SYNPO2: variants seen among roughly 807,000 people sequenced by gnomAD.
SYNPO2 encodes synaptopodin-2.
Under a neutral mutation model 85.0 loss-of-function variants are expected in SYNPO2, and 56 were observed. The observed-to-expected ratio is 0.66, with a 90% CI of 0.53 to 0.82. The LOEUF (loss-of-function observed/expected upper bound fraction) is 0.82. SYNPO2 is among the 40% of genes least tolerant of loss of function. The probability of loss-of-function intolerance (pLI) is 0.00; values close to 1 mark genes in which losing one functional copy is unlikely to be tolerated. For missense variants in SYNPO2, 1,575 were observed against 1,534.2 expected (o/e 1.03, Z -0.44); for synonymous variants, 602 against 591.1 (o/e 1.02, Z -0.27).
chr4:118,879,632 T>A (rs1463611410), intron 1 of SYNPO2, among the ~76,000 whole-genome samples: 1 of 152,146 alleles, frequency 6.6e-6, no homozygotes, highest in Non-Finnish European at 1.5e-5. Context: ...TTTTGTGGTT[T>A]AAATCGCCCA....
intron 1 of SYNPO2, among the ~76,000 whole-genome samples, chr4:118,964,972 G>A (rs1164670718): frequency 2.0e-5 from 3 of 152,036 alleles, no homozygotes; most frequent in Non-Finnish European, 4.4e-5. Flanking sequence ...ATGTCCTTTC[G>A]AAGCCCAAAG....
intron 4 of SYNPO2, chr4:119,032,239 A>G (rs1738305927): frequency 1.4e-6 from 2 of 1,429,682 alleles, no homozygotes; most frequent in African/African-American, 1.4e-5. Flanking sequence ...GATTGACCTA[A>G]AATATATTTA....
intron 4 of SYNPO2, among the ~76,000 whole-genome samples, chr4:119,052,657 G>A (rs1040937027): frequency 3.3e-5 from 5 of 152,184 alleles, no homozygotes; most frequent in Non-Finnish European, 1.5e-5. Context: ...CTGAAGGAAG[G>A]CAGCCTTTCT....
chr4:119,020,639 G>A (rs542668806), intron 1 of SYNPO2, among the ~76,000 whole-genome samples: 30 of 152,040 alleles, frequency 2.0e-4, no homozygotes, highest in Non-Finnish European at 4.1e-4. Flanking sequence ...AACCTCTTTG[G>A]TCCTCCAAAG....
At chr4:118,889,838 G>A (rs1198464399) in intron 1 of SYNPO2, among the ~76,000 whole-genome samples, 1 of 152,148 alleles carries the variant, frequency 6.6e-6, no homozygotes, top group Non-Finnish European at 1.5e-5. Context: ...TATTTAAAAT[G>A]CTTTAAGTTT....
At chr4:118,921,501 T>C (rs1033170770) in intron 1 of SYNPO2, among the ~76,000 whole-genome samples, 1 of 152,070 alleles carries the variant, frequency 6.6e-6, no homozygotes, top group Admixed American at 6.6e-5. Flanking sequence ...TAATTTTATC[T>C]ACTTGGGAGG....
At chr4:118,914,285 A>G (rs955796316) in intron 1 of SYNPO2, among the ~76,000 whole-genome samples, 16 of 152,210 alleles carry the variant, frequency 1.1e-4, no homozygotes, top group African/African-American at 3.9e-4. Context: ...TAAGAGTATC[A>G]GTCTGGGTTC....
intron 1 of SYNPO2, among the ~76,000 whole-genome samples, chr4:118,957,655 A>G (rs1734926882): frequency 6.6e-6 from 1 of 152,316 alleles, no homozygotes; most frequent in South Asian, 2.1e-4. Context: ...TGGGGCCTTA[A>G]ATAGTGTCAC....
At chr4:118,962,510 AC>A (rs1285288275) in intron 1 of SYNPO2, among the ~76,000 whole-genome samples, 7 of 152,174 alleles carry the variant, frequency 4.6e-5, no homozygotes, top group Admixed American at 1.3e-4. Context: ...AAAAACATTA[AC>A]CCTGCTAGGA....
chr4:119,003,010 G>A (rs990012714), intron 1 of SYNPO2, among the ~76,000 whole-genome samples: 1 of 152,070 alleles, frequency 6.6e-6, no homozygotes, highest in African/African-American at 2.4e-5. Flanking sequence ...TTATTTAGCT[G>A]TTGAACCATT....
intron 1 of SYNPO2, among the ~76,000 whole-genome samples, chr4:118,957,237 A>C (rs540637881): frequency 6.6e-6 from 1 of 152,204 alleles, no homozygotes; most frequent in African/African-American, 2.4e-5. Context: ...GTTCTCTGTG[A>C]TCTTCCATGG....
intron 1 of SYNPO2, among the ~76,000 whole-genome samples, chr4:118,918,609 T>C (rs1733434976): frequency 6.6e-6 from 1 of 152,220 alleles, no homozygotes; most frequent in African/African-American, 2.4e-5. Context: ...AGAGTTCAGA[T>C]AAAATTATAA....
intron 1 of SYNPO2, among the ~76,000 whole-genome samples, chr4:118,908,969 G>A (rs540742393): frequency 9.2e-5 from 14 of 152,096 alleles, no homozygotes; most frequent in African/African-American, 3.4e-4. Flanking sequence ...TAAAAGATTG[G>A]GCCCCCGTAA....
At chr4:119,049,553 A>G (rs1334192783) in intron 4 of SYNPO2, among the ~76,000 whole-genome samples, 4 of 152,206 alleles carry the variant, frequency 2.6e-5, no homozygotes, top group African/African-American at 7.2e-5. Flanking sequence ...CATCAGATTT[A>G]TCTTCTTTGG....
intron 1 of SYNPO2, among the ~76,000 whole-genome samples, chr4:118,900,703 C>CTA (rs373144800): frequency 0.016 from 699 of 43,784 alleles, 18 homozygotes; most frequent in Non-Finnish European, 0.018. Flanking sequence ...CTCTCTCTCT[C>CTA]TATATATATA....
intron 1 of SYNPO2, among the ~76,000 whole-genome samples, chr4:118,994,195 A>T (rs2149169458): frequency 6.6e-6 from 1 of 152,382 alleles, no homozygotes. Flanking sequence ...TCAGGGAAAG[A>T]GGCAGATAGC....
chr4:118,910,333 T>C (rs1733094151), intron 1 of SYNPO2, among the ~76,000 whole-genome samples: 1 of 152,238 alleles, frequency 6.6e-6, no homozygotes, highest in South Asian at 2.1e-4. Flanking sequence ...TTCTGTGCTG[T>C]GATTGTTTTT....
chr4:118,928,311 GA>G (rs1206180766), intron 1 of SYNPO2, among the ~76,000 whole-genome samples: 3 of 152,166 alleles, frequency 2.0e-5, no homozygotes, highest in Non-Finnish European at 4.4e-5. Context: ...AAAGCATTTG[GA>G]AAACAGTCAT....
chr4:119,039,171 T>A (rs889296710), intron 4 of SYNPO2, among the ~76,000 whole-genome samples: 1 of 152,180 alleles, frequency 6.6e-6, no homozygotes, highest in Admixed American at 6.5e-5. Flanking sequence ...CACAAAATGA[T>A]GAAAGTATGA....
Sources: gnomAD v4.1 joint callset for allele counts (sites outside exome capture counted in the v4.1 genomes callset) on GRCh38, gnomAD v4.1.1 for gene constraint, MANE v1.5 for transcripts, NCBI Gene and HGNC (gene_info 2026-07-23, HGNC 2026-07-21) for gene names.